The following RNASEH2B variants were observed in gnomAD, a reference collection of about 807,000 sequenced individuals.
The protein encoded by RNASEH2B is Aicardi-Goutieres syndrome 2 protein.
A neutral mutation model predicts 45.0 loss-of-function variants in RNASEH2B; 36 were observed. That is an observed-to-expected ratio of 0.80 (90% CI 0.61 to 1.06). The LOEUF (loss-of-function observed/expected upper bound fraction) is 1.06, where lower values mean the gene tolerates loss of function less well. Among genes scored for constraint, RNASEH2B ranks in the 50% least tolerant of loss-of-function variants. The pLI, the probability that RNASEH2B is intolerant of heterozygous loss-of-function variation, is 0.00. For synonymous variants in RNASEH2B, 119 were observed against 125.7 expected, an observed-to-expected ratio of 0.95 and a Z score of 0.35; for missense variants, 361 against 360.3, an observed-to-expected ratio of 1.00 and a Z score of -0.02.
intron 5 of RNASEH2B, chr13:50,935,417 C>A (rs1951735958): frequency 4.5e-6 from 1 of 220,750 alleles, no homozygotes; most frequent in Admixed American, 5.2e-5. Context: ...GCTCTAGATA[C>A]TTATGAATAA....
intron 1 of RNASEH2B, among the ~76,000 whole-genome samples, chr13:50,925,912 T>TTC: frequency 6.6e-6 from 1 of 152,288 alleles, no homozygotes; most frequent in Non-Finnish European, 1.5e-5. Flanking sequence ...CTTTACTGGG[T>TTC]TCTCCCTTTC....
chr13:50,939,356 C>CAAAAGAAAAAA (rs1555256236), intron 5 of RNASEH2B, among the ~76,000 whole-genome samples: 1 of 145,584 alleles, frequency 6.9e-6, no homozygotes, highest in Non-Finnish European at 1.5e-5. Flanking sequence ...GACTCTGTTT[C>CAAAAGAAAAAA]AAAAGAAAAA....
intron 5 of RNASEH2B, 30 bp from the exon 6 acceptor site, chr13:50,943,291 C>A: frequency 3.2e-6 from 4 of 1,235,104 alleles, no homozygotes; most frequent in Non-Finnish European, 4.7e-6. Context: ...TTTTTTAATT[C>A]ATTGTGCTGA....
chr13:50,961,730 TACA>T (rs1477727166), downstream of RNASEH2B, among the ~76,000 whole-genome samples: 5 of 152,146 alleles, frequency 3.3e-5, no homozygotes, highest in African/African-American at 1.2e-4. Flanking sequence ...TGTGTGTGTG[TACA>T]ACATGTACAC....
At chr13:50,959,438 A>C (rs1952087639), downstream of RNASEH2B, 1 of 151,848 alleles carries the variant, frequency 6.6e-6, no homozygotes, top group East Asian at 1.9e-4. Context: ...TTTTTTTAAT[A>C]GTTATGTTTT....
chr13:50,916,404 A>T (rs1456785345), intron 1 of RNASEH2B, among the ~76,000 whole-genome samples: 1 of 152,170 alleles, frequency 6.6e-6, no homozygotes, highest in South Asian at 2.1e-4. Context: ...CTTAATTTTG[A>T]TAAGGACAGA....
At chr13:50,944,719 A>G (rs967757324) in intron 6 of RNASEH2B, among the ~76,000 whole-genome samples, 1 of 152,222 alleles carries the variant, frequency 6.6e-6, no homozygotes, top group African/African-American at 2.4e-5. Flanking sequence ...AAATGAGTCC[A>G]GTAGAATAAT....
rs1039667867 is a variant in RNASEH2B at position 50,915,552 on chromosome 13, A to G, written c.64+5412A>G. 3 of 398,376 alleles carry G rather than the reference A, an allele frequency of 7.5e-6. No individual in the cohort carries two copies. The Admixed American group carries it at 1.3e-4, about 18-fold the overall frequency. The allele number at this position is 398,376 out of a possible 1,614,324, so 24.7% of individuals were successfully genotyped here. On this transcript the variant is annotated intron_variant, in intron 1 of 10. Transcript: ENST00000336617. ...AAGTGCCATTTTTATATAAATATGT[A>G]TTGAACACCTAATACATGCCAGGAG...
In RNASEH2B at chr13:50,963,136, T is replaced by C. The variant is rs1952127966; in HGVS notation, c.742-6796T>C. On this transcript the variant is annotated intron_variant, in intron 9 of 9. Coordinates refer to the RNASEH2B transcript ENST00000422660. ...CTTCTGTTAACCTTAGTTATTTAATTTTTACTTTAAATATTGTAATTTTAT... is the reference window on the plus strand; with the variant it reads ...CTTCTGTTAACCTTAGTTATTTAATCTTTACTTTAAATATTGTAATTTTAT... 2.0e-5 allele frequency among the ~76,000 whole-genome samples: 3 copies of C among 152,032 alleles called. No homozygotes were observed. The South Asian group carries it at 6.2e-4, about 32-fold the overall frequency.
At chr13:50,932,601 C>T (rs567422808) in intron 4 of RNASEH2B, among the ~76,000 whole-genome samples, 41 of 152,242 alleles carry the variant, frequency 2.7e-4, no homozygotes, top group Admixed American at 2.3e-3. Flanking sequence ...ATGCAGATAG[C>T]GTCTTAGCAG....
chr13:50,915,479 C>T lies in RNASEH2B; in HGVS notation c.64+5339C>T, dbSNP rs555829574. ...CTCTCCTCTTGTTACTGCCCAGGTT[C>T]GTGGTACCTCTTTGACCACCTACAC... On this transcript the variant is annotated intron_variant, in intron 1 of 10. Transcript: ENST00000336617. The T allele has an allele frequency of 1.8e-5, 7 of 398,600 alleles. 1 individual carries two copies. Among genetic ancestry groups the T allele is most frequent in the South Asian group, 2.5e-4 (2 of 7,856 alleles). The allele number at this position is 398,600 out of a possible 1,614,324, so 24.7% of individuals were successfully genotyped here.
chr13:50,916,870 G>A (rs186224210), intron 1 of RNASEH2B, among the ~76,000 whole-genome samples: 2 of 152,292 alleles, frequency 1.3e-5, no homozygotes, highest in African/African-American at 4.8e-5. Flanking sequence ...GGAAGGAGCA[G>A]GGGTGGTGGA....
intron 1 of RNASEH2B, chr13:50,915,587 G>T (rs1172473674): frequency 2.5e-6 from 1 of 397,674 alleles, no homozygotes. Context: ...GCTAGAGAGA[G>T]TCCAAGTGTG....
At chr13:50,933,684 A>G (rs1045480991) in intron 4 of RNASEH2B, among the ~76,000 whole-genome samples, 15 of 152,348 alleles carry the variant, frequency 9.8e-5, no homozygotes, top group African/African-American at 3.6e-4. Context: ...AATAAAAATA[A>G]GAATGAAACA....
At chr13:50,940,288 G>A (rs1951818017) in intron 5 of RNASEH2B, among the ~76,000 whole-genome samples, 2 of 152,118 alleles carry the variant, frequency 1.3e-5, no homozygotes, top group Non-Finnish European at 2.9e-5. Context: ...AGGGTTCCAG[G>A]GAACTTTGGG....
At chr13:50,942,313 C>A (rs1951842715) in intron 5 of RNASEH2B, 1 of 152,146 alleles carries the variant, frequency 6.6e-6, no homozygotes, top group Non-Finnish European at 1.5e-5. Context: ...AGAGGTGAAA[C>A]TTTTATCTCC....
chr13:50,954,145 CA>C, intron 10 of RNASEH2B, 160 bp downstream of exon 10: 1 of 677,770 alleles, frequency 1.5e-6, no homozygotes, highest in Non-Finnish European at 2.7e-6. Flanking sequence ...TTGCATATGA[CA>C]ATGAAAATGT....
intron 9 of RNASEH2B, among the ~76,000 whole-genome samples, chr13:50,966,030 A>G (rs1027496136): frequency 1.3e-5 from 2 of 152,192 alleles, no homozygotes; most frequent in Admixed American, 1.3e-4. Flanking sequence ...GCCAAGTTGA[A>G]GATCTCACTG....
chr13:50,919,696 A>G (rs1001297622), intron 1 of RNASEH2B, among the ~76,000 whole-genome samples: 1 of 152,230 alleles, frequency 6.6e-6, no homozygotes, highest in Non-Finnish European at 1.5e-5. Flanking sequence ...GTTTCTTTAC[A>G]GTATTATAGT....
Sources: allele counts gnomAD v4.1 joint callset (sites outside exome capture counted in the v4.1 genomes callset), GRCh38; gene constraint gnomAD v4.1.1; transcripts MANE v1.5; gene names NCBI Gene and HGNC (gene_info 2026-07-23, HGNC 2026-07-21).